Variants in NTM observed in about 807,000 individuals in gnomAD.
The protein encoded by NTM is neurotrimin.
Under a neutral mutation model 42.1 loss-of-function variants are expected in NTM, and 13 were observed. The observed-to-expected ratio is 0.31, with a 90% confidence interval of 0.20 to 0.49. NTM has a LOEUF of 0.49. Among genes scored for constraint, NTM ranks in the 20% least tolerant of loss-of-function variants. The pLI, the probability that NTM is intolerant of heterozygous loss-of-function variation, is 0.99. For missense variants in NTM, 373 were observed against 452.8 expected, an observed-to-expected ratio of 0.82 and a Z score of 1.60; for synonymous variants, 187 against 179.2, an observed-to-expected ratio of 1.04 and a Z score of -0.35.
At chr11:131,403,512 GAAAC>G (rs370951018) in intron 1 of NTM, among the ~76,000 whole-genome samples, 4 of 151,920 alleles carry the variant, frequency 2.6e-5, no homozygotes, top group Admixed American at 1.3e-4. Context: ...CAGAAAGAAA[GAAAC>G]AAACAAACAA....
chr11:132,072,086 T>A (rs949888866), intron 2 of NTM, among the ~76,000 whole-genome samples: 3 of 152,130 alleles, frequency 2.0e-5, no homozygotes, highest in African/African-American at 7.2e-5. Flanking sequence ...TGCCCCCAAG[T>A]CAATGACTCG....
intron 1 of NTM, among the ~76,000 whole-genome samples, chr11:131,470,843 T>A (rs1952366950): frequency 6.6e-6 from 1 of 152,176 alleles, no homozygotes; most frequent in Non-Finnish European, 1.5e-5. Flanking sequence ...GGAGCTTTTG[T>A]CAAGCCAGAG....
chr11:131,621,636 C>CAAAAAAAA (rs527788930), intron 1 of NTM, among the ~76,000 whole-genome samples: 2 of 98,998 alleles, frequency 2.0e-5, no homozygotes, highest in Non-Finnish European at 4.0e-5. Context: ...CCTATCTTTA[C>CAAAAAAAA]AAAAAAAAAA....
At chr11:132,267,971 T>G (rs1028923645) in intron 4 of NTM, among the ~76,000 whole-genome samples, 1 of 152,070 alleles carries the variant, frequency 6.6e-6, no homozygotes, top group African/African-American at 2.4e-5. Context: ...AAAGAAATGA[T>G]AGTCAAACAC....
intron 4 of NTM, among the ~76,000 whole-genome samples, chr11:132,257,074 A>C (rs1037549571): frequency 3.9e-5 from 6 of 152,250 alleles, no homozygotes; most frequent in Non-Finnish European, 8.8e-5. Context: ...ACAACAGGGC[A>C]AATTAAATCA....
intron 1 of NTM, among the ~76,000 whole-genome samples, chr11:131,875,615 A>G (rs1427940995): frequency 6.6e-6 from 1 of 152,264 alleles, no homozygotes; most frequent in African/African-American, 2.4e-5. Context: ...GTGAAATGTC[A>G]TGGATTTTAA....
intron 2 of NTM, among the ~76,000 whole-genome samples, chr11:131,993,001 A>G (rs1259626829): frequency 1.3e-5 from 2 of 152,166 alleles, no homozygotes; most frequent in African/African-American, 4.8e-5. Flanking sequence ...CTGGGGGTTT[A>G]CCCACTAAGT....
At chr11:131,822,461 A>C (rs2093230269) in intron 1 of NTM, among the ~76,000 whole-genome samples, 1 of 152,232 alleles carries the variant, frequency 6.6e-6, no homozygotes, top group African/African-American at 2.4e-5. Context: ...TTTTAAAAAA[A>C]CAAATTACCC....
At chr11:131,403,311 A>T (rs1351655819) in intron 1 of NTM, among the ~76,000 whole-genome samples, 1 of 151,924 alleles carries the variant, frequency 6.6e-6, no homozygotes, top group South Asian at 2.1e-4. Context: ...CCAGTTTTTC[A>T]CTCCATTCCT....
chr11:131,371,203 A>G (rs928533667), intron 1 of NTM: 4 of 595,182 alleles, frequency 6.7e-6, no homozygotes, highest in African/African-American at 6.0e-5. Flanking sequence ...CGGAGCACAC[A>G]TGTAAGCAGG....
intron 2 of NTM, among the ~76,000 whole-genome samples, chr11:132,045,166 C>T (rs1046515265): frequency 3.9e-5 from 6 of 152,090 alleles, no homozygotes; most frequent in Non-Finnish European, 5.9e-5. Context: ...CTGTCTGTTG[C>T]GTTCTGTTTA....
rs571083873 is a variant in NTM at position 132,310,870 on chromosome 11, A to T, written c.782+638A>T. Reference sequence around the variant, plus strand: ...GCTTTATCAAATGACATATCAGTGCAGGGATCAGTAGCTCAGTACAGCCAG... The same window carrying T: ...GCTTTATCAAATGACATATCAGTGCTGGGATCAGTAGCTCAGTACAGCCAG... On this transcript the variant is annotated intron_variant, in intron 6 of 8. Coordinates refer to ENST00000683400, the MANE Select transcript of NTM (RefSeq NM_001352005.2). Among the ~76,000 whole-genome samples the T allele has an allele frequency of 5.0e-4, 76 of 152,320 alleles. 1 individual carries two copies. The South Asian group carries it at 1.0e-2, about 20-fold the overall frequency.
At chr11:131,756,626 G>A (rs1047095947) in intron 1 of NTM, among the ~76,000 whole-genome samples, 10 of 152,152 alleles carry the variant, frequency 6.6e-5, no homozygotes, top group East Asian at 3.9e-4. Context: ...AGATCCAGGC[G>A]GTGGTGAGCT....
chr11:132,247,651 G>T, intron 4 of NTM, among the ~76,000 whole-genome samples: 1 of 152,148 alleles, frequency 6.6e-6, no homozygotes, highest in East Asian at 1.9e-4. Context: ...GGGTCTTCAA[G>T]CAGGAGGTGG....
At chr11:131,858,635 G>T (rs2046334362) in intron 1 of NTM, among the ~76,000 whole-genome samples, 1 of 152,196 alleles carries the variant, frequency 6.6e-6, no homozygotes, top group South Asian at 2.1e-4. Context: ...AGCCGCAGGT[G>T]CTTTGTTCTC....
intron 2 of NTM, among the ~76,000 whole-genome samples, chr11:132,053,362 G>C (rs1274579718): frequency 6.6e-6 from 1 of 152,210 alleles, no homozygotes; most frequent in Non-Finnish European, 1.5e-5. Flanking sequence ...GTCACCCATA[G>C]ATGAAGAACG....
rs150349047 is a variant in NTM at position 132,194,450 on chromosome 11, A to G, written c.401-17572A>G. ...TTAAAAACCCCTCAACAAATTAGGC[A>G]TCAAAGGAACATGCCTCAAAATGAT... On this transcript the variant is annotated intron_variant, in intron 3 of 8. Transcript: ENST00000683400. Among the ~76,000 whole-genome samples, 277 of 152,294 alleles carry G rather than the reference A, an allele frequency of 1.8e-3. 2 individuals carry two copies. The highest frequency in any genetic ancestry group is 6.5e-3 in the African/African-American group (270 of 41,570).
At chr11:131,485,289 G>C (rs550561731) in intron 1 of NTM, among the ~76,000 whole-genome samples, 1 of 144,694 alleles carries the variant, frequency 6.9e-6, no homozygotes, top group African/African-American at 2.8e-5. Context: ...TGAAGGCTGT[G>C]ACATGGCCAC....
chr11:131,673,252 T>A lies in NTM; in HGVS notation c.83-238312T>A, dbSNP rs192512015. Among the ~76,000 whole-genome samples the A allele has an allele frequency of 4.6e-5, 7 of 152,212 alleles. No homozygotes were observed. In the East Asian group the frequency reaches 1.4e-3, roughly 29 times the overall value. ...GGGGTACAGCTGGTGACCAGGAGGA[T>A]GCTCAGGGCTGCCTGTGGGCTCCTG... On this transcript the variant is annotated intron_variant, in intron 1 of 8. Coordinates refer to ENST00000683400, the MANE Select transcript of NTM (RefSeq NM_001352005.2).
Sources: gnomAD v4.1 joint callset for allele counts (sites outside exome capture counted in the v4.1 genomes callset) on GRCh38, gnomAD v4.1.1 for gene constraint, MANE v1.5 for transcripts, NCBI Gene and HGNC (gene_info 2026-07-23, HGNC 2026-07-21) for gene names.